Variants in CARM1 observed in about 807,000 individuals in gnomAD.
CARM1 encodes the protein histone-arginine methyltransferase CARM1.
Under a neutral mutation model 72.7 loss-of-function variants are expected in CARM1, and 14 were observed. The ratio of observed to expected loss-of-function variants is 0.19; its 90% CI spans 0.13 to 0.30. The LOEUF (loss-of-function observed/expected upper bound fraction) is 0.30, where lower values mean the gene tolerates loss of function less well. CARM1 is among the 10% of genes least tolerant of loss of function. The probability of loss-of-function intolerance (pLI) is 1.00; values close to 1 mark genes in which losing one functional copy is unlikely to be tolerated. For synonymous variants in CARM1, 333 were observed against 345.5 expected (o/e 0.96, Z 0.40); for missense variants, 432 against 833.7 (o/e 0.52, Z 5.93).
intron 1 of CARM1, among the ~76,000 whole-genome samples, chr19:10,900,241 G>A (rs2074054112): frequency 6.6e-6 from 1 of 152,156 alleles, no homozygotes; most frequent in East Asian, 1.9e-4. Context: ...GAGCCTGGGA[G>A]GTCAAGAGCT....
intron 1 of CARM1, among the ~76,000 whole-genome samples, chr19:10,873,714 A>T (rs992079003): frequency 8.3e-6 from 1 of 120,868 alleles, no homozygotes; most frequent in Admixed American, 1.2e-4. Flanking sequence ...ATCTCGGCTC[A>T]CTGCAAGCTC....
At chr19:10,873,391 C>T (rs974167876) in intron 1 of CARM1, among the ~76,000 whole-genome samples, 5 of 151,632 alleles carry the variant, frequency 3.3e-5, no homozygotes, top group Non-Finnish European at 7.4e-5. Context: ...GTCAGGAGTT[C>T]GAGACCAGCC....
At chr19:10,909,818 A>G (rs998184282) in intron 4 of CARM1, among the ~76,000 whole-genome samples, 1 of 152,230 alleles carries the variant, frequency 6.6e-6, no homozygotes, top group Non-Finnish European at 1.5e-5. Flanking sequence ...CAGCATGTAC[A>G]TTATAGGCTT....
Position 10,881,972 on chromosome 19 carries a change from C to T in CARM1, c.220+10050C>T, listed in dbSNP as rs560371418. ...ATCACTTAAAACAAGCTGAGGGGCT[C>T]CAGGATGCTGGGGGAGGGGCTCTGC... On this transcript the variant is annotated intron_variant, in intron 1 of 15. Transcript: ENST00000327064. Among the ~76,000 whole-genome samples the T allele has an allele frequency of 4.6e-5, 7 of 151,658 alleles. No homozygotes were observed. The South Asian group carries it at 1.3e-3, about 27-fold the overall frequency.
chr19:10,912,526 T>C lies in CARM1; in HGVS notation c.669+232T>C, dbSNP rs916083249. Among the ~76,000 whole-genome samples, 3 of 152,028 alleles carry C rather than the reference T, an allele frequency of 2.0e-5. No individual in the cohort carries two copies. Among genetic ancestry groups the C allele is most frequent in the Non-Finnish European group, 2.9e-5 (2 of 67,958 alleles). On this transcript the variant is annotated intron_variant, in intron 5 of 15. Transcript: ENST00000327064. This position sits in a 1 kb window ranked among gnomAD's most constrained non-coding sequence, Gnocchi z 4.5. ...TGTCATTTCCCTGTTTTCTTTTTTT[T>C]TTTTTTGCACTGAAACCTTCATTCA...
At chr19:10,875,614 C>T (rs555062089) in intron 1 of CARM1, among the ~76,000 whole-genome samples, 18 of 152,122 alleles carry the variant, frequency 1.2e-4, no homozygotes, top group South Asian at 6.2e-4. Flanking sequence ...TTAGTAGAGA[C>T]GGGGTTTCAC....
chr19:10,912,213 G>T lies in CARM1; in HGVS notation c.588G>T (p.Gly196=), dbSNP rs1419980465. 1.2e-6 allele frequency: 2 copies of T among 1,614,158 alleles called. No individual in the cohort carries two copies. The highest frequency in any genetic ancestry group is 1.7e-6 in the Non-Finnish European group (2 of 1,180,010). Reference sequence around the variant, plus strand: ...TTCTTGATGTTGGCTGTGGCTCTGGGATCCTGTCGTTTTTTGCCGCCCAAG... The same window carrying T: ...TTCTTGATGTTGGCTGTGGCTCTGGTATCCTGTCGTTTTTTGCCGCCCAAG... ...KIVLDVGCGS[G]ILSFFAAQAG... The change falls in exon 5 of 16, where the codon GGG becomes GGT. Residue 196 remains glycine (G), a synonymous_variant. Transcript: ENST00000327064. The surrounding 1 kb of genome is among the most constrained non-coding windows in gnomAD (Gnocchi z 4.5).
At position 10,920,307 on chromosome 19, in the gene CARM1, C is replaced by T. The variant is rs2074231526; in HGVS notation, c.1197-129C>T. The T allele has an allele frequency of 8.9e-7, 1 of 1,128,378 alleles. No individual in the cohort carries two copies. Among genetic ancestry groups the T allele is most frequent in the African/African-American group, 1.6e-5 (1 of 63,700 alleles). 69.9% of individuals were successfully genotyped at this position (1,128,378 alleles called of 1,614,324 possible). On this transcript the variant is annotated intron_variant, in intron 10 of 15. Coordinates refer to ENST00000327064, the MANE Select transcript of CARM1 (RefSeq NM_199141.2). This position sits in a 1 kb window ranked among gnomAD's most constrained non-coding sequence, Gnocchi z 5.3. ...TGGGACTGCCTGGGGGCCAGCCTGT[C>T]TCTGCTCCAGGGTCCCAGGGGTCCC...
At position 10,905,025 on chromosome 19, in the gene CARM1, A is replaced by G. The variant is rs1174652782; in HGVS notation, c.295A>G (p.Ile99Val). Residue 99 changes from isoleucine (I) to valine (V), a missense_variant, in exon 2 of 16, where the codon ATC (isoleucine) becomes GTC (valine). Ile to Val is a conservative substitution (Grantham distance 29). Transcript: ENST00000327064. ...CAGCCGTGTGGGCAAGCAGTCCTTC[A>G]TCATCACCCTGGGCTGCAACAGCGT... The part of the protein sequence containing the change: ...ECSRVGKQSF[I>V]ITLGCNSVLI... 1 of 1,614,196 alleles carries G rather than the reference A, an allele frequency of 6.2e-7. No individual in the cohort carries two copies.
rs55667142 is a variant in CARM1, at chr19:10,920,123, GGTGT to G, written c.1196+174_1196+177del. ...CGGAGCAAGAGACTGTTGTGGGTGG[GGTGT>G]GTGTGTGTGTGTGTGTATGTGTGTG... On this transcript the variant is annotated intron_variant, in intron 10 of 15. Coordinates refer to ENST00000327064, the MANE Select transcript of CARM1 (RefSeq NM_199141.2). This position sits in a 1 kb window ranked among gnomAD's most constrained non-coding sequence, Gnocchi z 5.3. Among the ~76,000 whole-genome samples the G allele has an allele frequency of 4.7e-3, 697 of 149,680 alleles. 22 individuals carry two copies. The East Asian group carries it at 0.081, about 17-fold the overall frequency.
intron 1 of CARM1, among the ~76,000 whole-genome samples, chr19:10,891,671 C>G (rs574096461): frequency 6.3e-4 from 96 of 152,364 alleles, no homozygotes; most frequent in African/African-American, 2.2e-3. Flanking sequence ...AGATAACTTG[C>G]GTAGACGCCG....
intron 8 of CARM1, among the ~76,000 whole-genome samples, chr19:10,918,613 C>T (rs761437459): frequency 3.9e-5 from 6 of 152,290 alleles, no homozygotes; most frequent in South Asian, 4.1e-4. Context: ...ATTTCACAAG[C>T]GCACTGAGTG....
chr19:10,921,009 C>T (rs2074240595), intron 13 of CARM1, 41 bp from the exon 14 acceptor site: 3 of 1,611,220 alleles, frequency 1.9e-6, no homozygotes, highest in South Asian at 1.1e-5. Flanking sequence ...CAGGCCTGGC[C>T]CCTCTGCCTC....
intron 8 of CARM1, 80 bp from the exon 9 acceptor site, chr19:10,919,515 C>A: frequency 9.6e-7 from 1 of 1,038,140 alleles, no homozygotes; most frequent in Non-Finnish European, 1.5e-6. Context: ...CGTGGGCAGA[C>A]CTGGGGGAAG....
intron 1 of CARM1, among the ~76,000 whole-genome samples, chr19:10,884,090 C>G (rs2073922803): frequency 6.9e-6 from 1 of 144,544 alleles, no homozygotes; most frequent in Non-Finnish European, 1.5e-5. Flanking sequence ...CACCTGTAAT[C>G]CCAGCACTTT....
intron 1 of CARM1, among the ~76,000 whole-genome samples, chr19:10,882,616 A>G (rs1241527801): frequency 7.3e-6 from 1 of 136,936 alleles, no homozygotes; most frequent in African/African-American, 2.8e-5. Context: ...ATTTCTGCTC[A>G]TTGCAACCTC....
chr19:10,890,791 ATATATTTTTTT>A (rs2073981184), intron 1 of CARM1, among the ~76,000 whole-genome samples: 1 of 99,632 alleles, frequency 1.0e-5, no homozygotes, highest in African/African-American at 4.7e-5. Context: ...ATATATATAT[ATATATTTTTTT>A]TTTTTTTTTT....
intron 1 of CARM1, among the ~76,000 whole-genome samples, chr19:10,893,716 A>G (rs933161619): frequency 2.6e-5 from 4 of 152,316 alleles, no homozygotes; most frequent in Admixed American, 6.5e-5. Flanking sequence ...AAGCCCTGCC[A>G]GACTCTGCTG....
Position 10,919,844 on chromosome 19 carries a change from C to G in CARM1, c.1107-33C>G, listed in dbSNP as rs745912208. 4 of 1,578,444 alleles carry G rather than the reference C, an allele frequency of 2.5e-6. No individual in the cohort carries two copies. In the South Asian group the frequency reaches 3.3e-5, roughly 13 times the overall value. On this transcript the variant is annotated intron_variant, in intron 9 of 15. Coordinates refer to ENST00000327064, the MANE Select transcript of CARM1 (RefSeq NM_199141.2). The stretch of plus-strand genomic sequence containing the variant: ...TTCTCTCTCGGCAGCGCCTGTCTGG[C>G]TTCCCCAGCAGCCACTGCCCTTTGC...
Sources: gnomAD v4.1 joint callset for allele counts (sites outside exome capture counted in the v4.1 genomes callset) on GRCh38, gnomAD v4.1.1 for gene constraint, Gnocchi (gnomAD v3.1) non-coding constraint, MANE v1.5 for transcripts, NCBI Gene and HGNC (gene_info 2026-07-23, HGNC 2026-07-21) for gene names.